The following CRMP1 variants were observed in gnomAD, a reference collection of about 807,000 sequenced individuals.
CRMP1 encodes collapsin response mediator protein 1, also known as dihydropyrimidinase-related protein 1.
In CRMP1, 19 loss-of-function variants were observed where a neutral mutation model predicts 68.3. The ratio of observed to expected loss-of-function variants is 0.28; its 90% confidence interval spans 0.19 to 0.41. The LOEUF is 0.41. CRMP1 is among the 10% of genes least tolerant of loss of function. The pLI is 1.00. For synonymous variants in CRMP1, 439 were observed against 399.6 expected (o/e 1.10, Z -1.18); for missense variants, 791 against 967.4 (o/e 0.82, Z 2.42).
chr4:5,880,280 T>G (rs1177142417), intron 1 of CRMP1, among the ~76,000 whole-genome samples: 2 of 152,204 alleles, frequency 1.3e-5, no homozygotes, highest in Non-Finnish European at 2.9e-5. Flanking sequence ...TTGTACAACA[T>G]AAAATTTTAC....
At chr4:5,826,295 C>CT (rs1368848295) in intron 12 of CRMP1, 6 of 152,702 alleles carry the variant, frequency 3.9e-5, no homozygotes, top group African/African-American at 1.4e-4. Flanking sequence ...TTGTAGAAGT[C>CT]AACAGCGAGG....
chr4:5,825,835 A>G lies in CRMP1; in HGVS notation c.1804-176T>C. On this transcript the variant is annotated intron_variant, in intron 12 of 13. Coordinates refer to ENST00000324989, the MANE Select transcript of CRMP1 (RefSeq NM_001014809.3). The surrounding 1 kb of genome is among the most constrained non-coding windows in gnomAD (Gnocchi z 4.4). ...GCACTTCACACACATGCAGCCGCAC[A>G]CAGGCATTCATACACACAAGCATGC... The G allele has an allele frequency of 1.6e-6, 1 of 632,120 alleles. No individual in the cohort carries two copies. The highest frequency in any genetic ancestry group is 2.7e-6 in the Non-Finnish European group (1 of 367,850). The allele number at this position is 632,120 out of a possible 1,614,324, so 39.2% of individuals were successfully genotyped here.
intron 13 of CRMP1, chr4:5,824,846 C>T: frequency 1.0e-6 from 1 of 985,372 alleles, no homozygotes; most frequent in Non-Finnish European, 1.2e-6. Context: ...CGTGCCTGCC[C>T]TCATGTGGCC....
At position 5,872,827 on chromosome 4, in the gene CRMP1, C is replaced by T. The variant is rs1714553205; in HGVS notation, c.382-6071G>A. 6.6e-6 allele frequency among the ~76,000 whole-genome samples: 1 copy of T among 152,224 alleles called. No individual in the cohort carries two copies. Among genetic ancestry groups the T allele is most frequent in the South Asian group, 2.1e-4 (1 of 4,834 alleles). On this transcript the variant is annotated intron_variant, in intron 1 of 13. Transcript: ENST00000324989. This position sits in a 1 kb window ranked among gnomAD's most constrained non-coding sequence, Gnocchi z 4.6. ...ACAGCGACAGCAATGACCTTTAGAG[C>T]AAATCATGTTCTTGTGTCAGCACCA...
chr4:5,853,220 C>A lies in CRMP1; in HGVS notation c.821-1751G>T, dbSNP rs191574517. 6.6e-6 allele frequency among the ~76,000 whole-genome samples: 1 copy of A among 152,322 alleles called. No homozygotes were observed. Among genetic ancestry groups the A allele is most frequent in the African/African-American group, 2.4e-5 (1 of 41,576 alleles). On this transcript the variant is annotated intron_variant, in intron 4 of 13. Transcript: ENST00000324989. The surrounding 1 kb of genome is among the most constrained non-coding windows in gnomAD (Gnocchi z 4.7). The stretch of plus-strand genomic sequence containing the variant: ...CTGAGGTCAAGAGTTCAGGACCAGC[C>A]TGGCCAATATGGTGATACCCCGTCT...
chr4:5,834,599 C>G lies in CRMP1; in HGVS notation c.1623+1316G>C, dbSNP rs1429159680. ...GTCTGTGGTATCTATTACAGTAGCA[C>G]AAAATGGACCAAGACACCCTCTCAC... On this transcript the variant is annotated intron_variant, in intron 11 of 13. Transcript: ENST00000324989. This position sits in a 1 kb window ranked among gnomAD's most constrained non-coding sequence, Gnocchi z 4.3. Among the ~76,000 whole-genome samples the G allele has an allele frequency of 6.6e-6, 1 of 152,114 alleles. No individual in the cohort carries two copies. Among genetic ancestry groups the G allele is most frequent in the Non-Finnish European group, 1.5e-5 (1 of 68,018 alleles).
intron 11 of CRMP1, among the ~76,000 whole-genome samples, chr4:5,830,932 A>C (rs1470165353): frequency 3.3e-5 from 5 of 152,118 alleles, no homozygotes; most frequent in Admixed American, 3.3e-4. Context: ...CCCTGAATTT[A>C]TGTAAGTCTT....
chr4:5,835,008 T>C (rs989591115), intron 11 of CRMP1, among the ~76,000 whole-genome samples: 1 of 152,210 alleles, frequency 6.6e-6, no homozygotes, highest in Non-Finnish European at 1.5e-5. Flanking sequence ...CTTATGAAAC[T>C]TCCTTGTGCC....
intron 1 of CRMP1, among the ~76,000 whole-genome samples, chr4:5,880,306 G>C (rs4429675): frequency 0.63 from 96,394 of 152,006 alleles, 30,919 homozygotes; most frequent in East Asian, 0.78. Context: ...TTAAAAGTTC[G>C]ATTCAACGTT....
rs895805390 is a variant in CRMP1 at position 5,860,603 on chromosome 4, T to C, written c.655+423A>G. Among the ~76,000 whole-genome samples, 9 of 151,130 alleles carry C rather than the reference T, an allele frequency of 6.0e-5. No individual in the cohort carries two copies. Among genetic ancestry groups the C allele is most frequent in the Non-Finnish European group, 1.2e-4 (8 of 67,906 alleles). ...ACCTATGTCACTGGTTCTGAAACCATAGCCATCTTCACATCATGTTGAAGG... is the reference window on the plus strand; with the variant it reads ...ACCTATGTCACTGGTTCTGAAACCACAGCCATCTTCACATCATGTTGAAGG... On this transcript the variant is annotated intron_variant, in intron 3 of 13. Coordinates refer to ENST00000324989, the MANE Select transcript of CRMP1 (RefSeq NM_001014809.3). The surrounding 1 kb of genome is among the most constrained non-coding windows in gnomAD (Gnocchi z 4.2).
Position 5,868,269 on chromosome 4 carries a change from A to ATATATC in CRMP1, c.382-1514_382-1513insGATATA, listed in dbSNP as rs1560513224. On this transcript the variant is annotated intron_variant, in intron 1 of 13. Transcript: ENST00000324989. ...TCTTCATGACTATATATCTATATAT[A>ATATATC]TATATATATATATATATATATATAT... Among the ~76,000 whole-genome samples the ATATATC allele has an allele frequency of 2.7e-3, 47 of 17,176 alleles. 1 individual carries two copies. Among genetic ancestry groups the ATATATC allele is most frequent in the African/African-American group, 5.9e-3 (35 of 5,906 alleles). The allele number at this position is 17,176 out of a possible 152,430, so 11.3% of individuals were successfully genotyped here.
Position 5,821,637 on chromosome 4 carries a change from C to T in CRMP1, c.*123G>A, listed in dbSNP as rs527740334. On this transcript the variant is annotated 3_prime_UTR_variant, in exon 14 of 14. Coordinates refer to ENST00000324989, the MANE Select transcript of CRMP1 (RefSeq NM_001014809.3). This position sits in a 1 kb window ranked among gnomAD's most constrained non-coding sequence, Gnocchi z 4.4. ...CCTAAACAGAAAAGGGAAAGAGCAT[C>T]CTTCGACTTCCCCCTCCCTCCATCA... is the stretch of plus-strand genomic sequence containing the variant. The T allele has an allele frequency of 4.5e-6, 4 of 888,424 alleles. No homozygotes were observed. The highest frequency in any genetic ancestry group is 1.7e-5 in the African/African-American group (1 of 59,914). The allele number at this position is 888,424 out of a possible 1,614,324, so 55.0% of individuals were successfully genotyped here.
rs912397359 is a variant in CRMP1 at position 5,858,848 on chromosome 4, C to G, written c.655+2178G>C. On this transcript the variant is annotated intron_variant, in intron 3 of 13. Transcript: ENST00000324989. This position sits in a 1 kb window ranked among gnomAD's most constrained non-coding sequence, Gnocchi z 5.5. Reference sequence around the variant, plus strand: ...AATCTCGACACCCCTGCACCGTGGGCCTCCCTGCAGTCTCTGGAATGGGAG... The same window carrying G: ...AATCTCGACACCCCTGCACCGTGGGGCTCCCTGCAGTCTCTGGAATGGGAG... Among the ~76,000 whole-genome samples, 3 of 152,142 alleles carry G rather than the reference C, an allele frequency of 2.0e-5. No homozygotes were observed. The highest frequency in any genetic ancestry group is 7.2e-5 in the African/African-American group (3 of 41,422).
chr4:5,842,637 C>T lies in CRMP1; in HGVS notation c.1032+456G>A, dbSNP rs34613066. Among the ~76,000 whole-genome samples the T allele has an allele frequency of 4.5e-3, 676 of 151,062 alleles. 21 individuals carry two copies. Among genetic ancestry groups the T allele is most frequent in the Admixed American group, 0.04 (612 of 15,162 alleles). ...ACACACTCACTCACACACACACACACGCACTGTCTCTCTCACACACACACA... is the reference window on the plus strand; with the variant it reads ...ACACACTCACTCACACACACACACATGCACTGTCTCTCTCACACACACACA... On this transcript the variant is annotated intron_variant, in intron 7 of 13. Transcript: ENST00000324989. The surrounding 1 kb of genome is among the most constrained non-coding windows in gnomAD (Gnocchi z 4.5).
rs1266479499 is a variant in CRMP1, at chr4:5,821,736, G to A, written c.*24C>T. On this transcript the variant is annotated 3_prime_UTR_variant, in exon 14 of 14. Transcript: ENST00000324989. This position sits in a 1 kb window ranked among gnomAD's most constrained non-coding sequence, Gnocchi z 4.4. The stretch of plus-strand genomic sequence containing the variant: ...GGACATGATTCCCAGAATCCTTCAG[G>A]CTAGCTCCTCCGCGCATCCACGTTC... 1 of 1,585,240 alleles carries A rather than the reference G, an allele frequency of 6.3e-7. No individual in the cohort carries two copies. The highest frequency in any genetic ancestry group is 1.8e-5 in the Admixed American group (1 of 56,836).
chr4:5,824,837 G>A (rs886376364), intron 13 of CRMP1: 9 of 985,230 alleles, frequency 9.1e-6, no homozygotes, highest in Non-Finnish European at 9.6e-6. Flanking sequence ...CAACGTGTGC[G>A]TGCCTGCCCT....
intron 6 of CRMP1, among the ~76,000 whole-genome samples, chr4:5,844,486 C>A (rs78798670): frequency 6.6e-6 from 1 of 152,296 alleles, no homozygotes; most frequent in African/African-American, 2.4e-5. Flanking sequence ...AGTAGGATTT[C>A]TAGTCTAAAA....
chr4:5,861,836 G>A lies in CRMP1; in HGVS notation c.471-626C>T, dbSNP rs1358426418. ...CTCAGACCATGAGATCTGACTGTGG[G>A]TGATTTTTATTCTAAAAAAAATCCA... On this transcript the variant is annotated intron_variant, in intron 2 of 13. Transcript: ENST00000324989. The surrounding 1 kb of genome is among the most constrained non-coding windows in gnomAD (Gnocchi z 6.0). Among the ~76,000 whole-genome samples the A allele has an allele frequency of 6.6e-6, 1 of 152,178 alleles. No homozygotes were observed. Among genetic ancestry groups the A allele is most frequent in the Non-Finnish European group, 1.5e-5 (1 of 68,034 alleles).
intron 11 of CRMP1, among the ~76,000 whole-genome samples, chr4:5,831,142 G>GTCTC: frequency 6.6e-6 from 1 of 152,086 alleles, no homozygotes; most frequent in Non-Finnish European, 1.5e-5. Context: ...TAGAGGCAGG[G>GTCTC]TCTCACTATG....
Sources: allele counts gnomAD v4.1 joint callset (sites outside exome capture counted in the v4.1 genomes callset), GRCh38; gene constraint gnomAD v4.1.1; non-coding constraint Gnocchi (gnomAD v3.1); transcripts MANE v1.5; gene names NCBI Gene and HGNC (gene_info 2026-07-23, HGNC 2026-07-21).